LRRC4C: variants seen among roughly 807,000 people sequenced by gnomAD.
LRRC4C encodes leucine rich repeat containing 4C.
Under a neutral mutation model 33.6 loss-of-function variants are expected in LRRC4C, and 5 were observed. That is an observed-to-expected ratio of 0.15 (90% CI 0.08 to 0.31). The LOEUF is 0.31. LRRC4C is among the 10% of genes least tolerant of loss of function. The pLI, the probability that LRRC4C is intolerant of heterozygous loss-of-function variation, is 1.00. For synonymous variants in LRRC4C, 329 were observed against 302.0 expected (o/e 1.09, Z -0.93); for missense variants, 560 against 796.7 (o/e 0.70, Z 3.58).
At chr11:40,192,185 T>C (rs1036255291) in intron 5 of LRRC4C, among the ~76,000 whole-genome samples, 6 of 151,926 alleles carry the variant, frequency 3.9e-5, no homozygotes, top group African/African-American at 1.5e-4. Flanking sequence ...GGCAAGATGG[T>C]GGAGTAGGAA....
intron 1 of LRRC4C, chr11:41,223,003 TG>T (rs2136399129): frequency 6.6e-6 from 1 of 152,278 alleles, no homozygotes; most frequent in Non-Finnish European, 1.5e-5. Flanking sequence ...ACACTTCATT[TG>T]GTTTCTGTAA....
At chr11:40,584,658 G>T (rs975550600) in intron 3 of LRRC4C, among the ~76,000 whole-genome samples, 1 of 152,082 alleles carries the variant, frequency 6.6e-6, no homozygotes, top group Admixed American at 6.5e-5. Flanking sequence ...GAGGCCTGGC[G>T]CAGTGGCTCA....
At chr11:41,430,990 G>C (rs1270861775) in intron 1 of LRRC4C, among the ~76,000 whole-genome samples, 1 of 152,004 alleles carries the variant, frequency 6.6e-6, no homozygotes, top group African/African-American at 2.4e-5. Context: ...CAACTAATCA[G>C]AGTGTGTATT....
intron 3 of LRRC4C, among the ~76,000 whole-genome samples, chr11:40,627,182 A>C (rs770112000): frequency 1.6e-4 from 24 of 150,806 alleles, no homozygotes; most frequent in Admixed American, 1.5e-3. Flanking sequence ...TTTTATCCTA[A>C]GGGAAATTAT....
chr11:41,162,253 C>T (rs188107418), intron 1 of LRRC4C, among the ~76,000 whole-genome samples: 5 of 152,262 alleles, frequency 3.3e-5, no homozygotes, highest in South Asian at 4.1e-4. Context: ...TCGGACTAAG[C>T]TATGTCACCC....
intron 1 of LRRC4C, among the ~76,000 whole-genome samples, chr11:40,950,216 A>G (rs550865759): frequency 6.6e-6 from 1 of 152,092 alleles, no homozygotes; most frequent in South Asian, 2.1e-4. Context: ...CTAAACTTCT[A>G]TAATCAGAAG....
At chr11:41,429,667 T>G (rs1955167230) in intron 1 of LRRC4C, among the ~76,000 whole-genome samples, 1 of 152,014 alleles carries the variant, frequency 6.6e-6, no homozygotes, top group African/African-American at 2.4e-5. Flanking sequence ...CTGAGGCAAA[T>G]AGCAAGAACA....
At chr11:40,630,292 TAC>T (rs1963339268) in intron 3 of LRRC4C, among the ~76,000 whole-genome samples, 2 of 151,946 alleles carry the variant, frequency 1.3e-5, no homozygotes, top group Non-Finnish European at 1.5e-5. Flanking sequence ...AGAACTTTAA[TAC>T]AGTCCCTTGT....
At chr11:40,291,394 G>A (rs2136568226) in intron 4 of LRRC4C, among the ~76,000 whole-genome samples, 1 of 152,270 alleles carries the variant, frequency 6.6e-6, no homozygotes, top group Non-Finnish European at 1.5e-5. Context: ...CAGGACACTA[G>A]ATTTCTTTCT....
chr11:40,886,573 T>C, intron 2 of LRRC4C, among the ~76,000 whole-genome samples: 1 of 151,908 alleles, frequency 6.6e-6, no homozygotes, highest in Middle Eastern at 3.2e-3. Context: ...TTAAGGAGTT[T>C]ATCCTCAACT....
At chr11:40,578,767 A>C (rs561905759) in intron 3 of LRRC4C, among the ~76,000 whole-genome samples, 80 of 152,336 alleles carry the variant, frequency 5.3e-4, no homozygotes, top group African/African-American at 1.9e-3. Context: ...TTCTACACTT[A>C]TTTTACAAAT....
chr11:41,072,228 C>T (rs1938739613), intron 1 of LRRC4C, among the ~76,000 whole-genome samples: 1 of 128,506 alleles, frequency 7.8e-6, no homozygotes, highest in Non-Finnish European at 1.7e-5. Flanking sequence ...AACAGCACTG[C>T]ATGCTATAGA....
intron 5 of LRRC4C, among the ~76,000 whole-genome samples, chr11:40,165,374 A>T (rs1565077060): frequency 6.6e-6 from 1 of 152,030 alleles, no homozygotes; most frequent in African/African-American, 2.4e-5. Context: ...TGAGTGGCAG[A>T]GTGTGTGTAT....
intron 3 of LRRC4C, among the ~76,000 whole-genome samples, chr11:40,397,723 T>C (rs1316872820): frequency 6.6e-6 from 1 of 151,962 alleles, no homozygotes; most frequent in African/African-American, 2.4e-5. Context: ...CTGCTAGCAG[T>C]AGGCTGAAAA....
At chr11:40,472,059 G>A (rs1226120407) in intron 3 of LRRC4C, among the ~76,000 whole-genome samples, 1 of 151,972 alleles carries the variant, frequency 6.6e-6, no homozygotes, top group Non-Finnish European at 1.5e-5. Flanking sequence ...ACTTTGGGAG[G>A]CCCGAGGAGG....
chr11:41,285,145 A>G (rs1441436861), intron 1 of LRRC4C, among the ~76,000 whole-genome samples: 3 of 152,220 alleles, frequency 2.0e-5, no homozygotes, highest in Admixed American at 6.5e-5. Flanking sequence ...TATGTTAAAC[A>G]GCACACAATG....
At chr11:40,950,222 A>G (rs2136706283) in intron 1 of LRRC4C, among the ~76,000 whole-genome samples, 1 of 152,018 alleles carries the variant, frequency 6.6e-6, no homozygotes, top group South Asian at 2.1e-4. Flanking sequence ...TTCTATAATC[A>G]GAAGATCATT....
chr11:40,515,299 T>G (rs182330970), intron 3 of LRRC4C, among the ~76,000 whole-genome samples: 71 of 152,254 alleles, frequency 4.7e-4, no homozygotes, highest in African/African-American at 1.6e-3. Flanking sequence ...GTTGTTCTGA[T>G]ACACATTTGT....
chr11:40,465,067 C>G (rs1451307433), intron 3 of LRRC4C, among the ~76,000 whole-genome samples: 3 of 151,916 alleles, frequency 2.0e-5, no homozygotes, highest in African/African-American at 7.2e-5. Flanking sequence ...ACCTGTACTA[C>G]TAGAATATAG....
Sources: gnomAD v4.1 joint callset for allele counts (sites outside exome capture counted in the v4.1 genomes callset) on GRCh38, gnomAD v4.1.1 for gene constraint, MANE v1.5 for transcripts, NCBI Gene and HGNC (gene_info 2026-07-23, HGNC 2026-07-21) for gene names.